UNC5D: variants seen among roughly 807,000 people sequenced by gnomAD.
The protein encoded by UNC5D is unc-5 netrin receptor D, also known as netrin receptor UNC5D.
UNC5D carries 39 observed loss-of-function variants against 105.4 expected under a neutral mutation model. The observed-to-expected ratio is 0.37, with a 90% CI of 0.29 to 0.48. The LOEUF is 0.48. UNC5D is among the 20% of genes least tolerant of loss of function. The pLI is 0.98. For synonymous variants in UNC5D, 452 were observed against 450.4 expected, an observed-to-expected ratio of 1.00 and a Z score of -0.04; for missense variants, 991 against 1,202.4, an observed-to-expected ratio of 0.82 and a Z score of 2.60.
intron 11 of UNC5D, among the ~76,000 whole-genome samples, chr8:35,746,790 C>T (rs1468172399): frequency 1.3e-5 from 2 of 152,174 alleles, no homozygotes; most frequent in East Asian, 1.9e-4. Context: ...AGCTTGTCAT[C>T]GGTCACTCAT....
intron 1 of UNC5D, among the ~76,000 whole-genome samples, chr8:35,337,646 T>C (rs990516424): frequency 6.6e-6 from 1 of 152,176 alleles, no homozygotes; most frequent in South Asian, 2.1e-4. Context: ...TTTCAGTAAG[T>C]AGCTGGAATG....
At chr8:35,526,386 C>G (rs903079117) in intron 1 of UNC5D, among the ~76,000 whole-genome samples, 1 of 152,160 alleles carries the variant, frequency 6.6e-6, no homozygotes, top group Admixed American at 6.5e-5. Flanking sequence ...CTCGCCTGTT[C>G]TCCACACAGT....
Position 35,384,607 on chromosome 8 carries a change from T to A in UNC5D, c.103+148720T>A, listed in dbSNP as rs574755174. Among the ~76,000 whole-genome samples the A allele has an allele frequency of 1.9e-3, 287 of 152,292 alleles. 1 individual carries two copies. Among genetic ancestry groups the A allele is most frequent in the African/African-American group, 6.6e-3 (274 of 41,548 alleles). On this transcript the variant is annotated intron_variant, in intron 1 of 16. Coordinates refer to ENST00000404895, the MANE Select transcript of UNC5D (RefSeq NM_080872.4). ...GAAATGTAGAACCCTTGATCAAAGT[T>A]ACACATGGTGGCAATTGCAGAAACC...
chr8:35,445,910 A>T (rs1001750220), intron 1 of UNC5D, among the ~76,000 whole-genome samples: 1 of 152,126 alleles, frequency 6.6e-6, no homozygotes, highest in Non-Finnish European at 1.5e-5. Flanking sequence ...AAAACTGAAA[A>T]TTGAACTGGT....
intron 1 of UNC5D, among the ~76,000 whole-genome samples, chr8:35,267,870 C>A (rs980975823): frequency 6.6e-6 from 1 of 151,946 alleles, no homozygotes; most frequent in Non-Finnish European, 1.5e-5. Context: ...GTTTGCTGAC[C>A]TTTTCTGTGG....
At chr8:35,671,566 G>A (rs541221675) in intron 4 of UNC5D, among the ~76,000 whole-genome samples, 57 of 152,330 alleles carry the variant, frequency 3.7e-4, no homozygotes, top group African/African-American at 1.1e-3. Context: ...CACAAGAGGC[G>A]ATGTGAATTC....
At chr8:35,632,836 G>T (rs1822125636) in intron 4 of UNC5D, among the ~76,000 whole-genome samples, 2 of 152,168 alleles carry the variant, frequency 1.3e-5, no homozygotes, top group Admixed American at 1.3e-4. Flanking sequence ...ACCTGTTCCA[G>T]TCAGCCATCT....
chr8:35,547,888 C>T (rs1815817877), intron 1 of UNC5D, among the ~76,000 whole-genome samples: 1 of 152,016 alleles, frequency 6.6e-6, no homozygotes, highest in Admixed American at 6.6e-5. Context: ...AGGTGAGGTC[C>T]CACAATAGGC....
intron 1 of UNC5D, among the ~76,000 whole-genome samples, chr8:35,296,011 T>A (rs1463989486): frequency 6.6e-6 from 1 of 152,166 alleles, no homozygotes; most frequent in African/African-American, 2.4e-5. Context: ...ATTTCTTGCT[T>A]TTTTGTGGGT....
intron 1 of UNC5D, among the ~76,000 whole-genome samples, chr8:35,426,362 A>G (rs1806248518): frequency 6.6e-6 from 1 of 152,192 alleles, no homozygotes; most frequent in Non-Finnish European, 1.5e-5. Flanking sequence ...ACAAAATTAG[A>G]GAATTAGGGA....
chr8:35,371,424 G>A (rs1802421919), intron 1 of UNC5D, among the ~76,000 whole-genome samples: 1 of 152,066 alleles, frequency 6.6e-6, no homozygotes. Flanking sequence ...CTGTATTTTG[G>A]TTTGTGTTGG....
At chr8:35,298,744 T>C (rs1807696517) in intron 1 of UNC5D, among the ~76,000 whole-genome samples, 1 of 152,098 alleles carries the variant, frequency 6.6e-6, no homozygotes, top group Non-Finnish European at 1.5e-5. Context: ...AAATTCCACA[T>C]AATGTGAAGA....
intron 1 of UNC5D, among the ~76,000 whole-genome samples, chr8:35,414,153 T>C (rs1805385594): frequency 6.6e-6 from 1 of 152,122 alleles, no homozygotes; most frequent in African/African-American, 2.4e-5. Context: ...TGGCTGTATA[T>C]ACTGGAGCCA....
intron 8 of UNC5D, among the ~76,000 whole-genome samples, chr8:35,714,386 G>A (rs1252658541): frequency 6.6e-6 from 1 of 152,130 alleles, no homozygotes; most frequent in African/African-American, 2.4e-5. Flanking sequence ...AAGGAAATAT[G>A]GCATCAGATC....
intron 1 of UNC5D, among the ~76,000 whole-genome samples, chr8:35,436,430 T>C (rs566973233): frequency 9.4e-4 from 143 of 152,184 alleles, no homozygotes; most frequent in Non-Finnish European, 1.6e-3. Flanking sequence ...GAAAGCTATA[T>C]TTTGGGGCTT....
rs1403312750 is a variant in UNC5D, at chr8:35,380,097, G to GA, written c.103+144210_103+144211insA. On this transcript the variant is annotated intron_variant, in intron 1 of 16. Transcript: ENST00000404895. The stretch of plus-strand genomic sequence containing the variant: ...ACCTATAATTGGGGGTGGGGGGGGG[G>GA]TCGGGGAGAGAGAGAGAGAGAGAGA... Among the ~76,000 whole-genome samples, 27 of 77,688 alleles carry GA rather than the reference G, an allele frequency of 3.5e-4. 1 individual carries two copies. Among genetic ancestry groups the GA allele is most frequent in the African/African-American group, 1.4e-3 (27 of 19,786 alleles). The allele number at this position is 77,688 out of a possible 152,430, so 51.0% of individuals were successfully genotyped here.
chr8:35,372,624 G>A (rs760343228), intron 1 of UNC5D, among the ~76,000 whole-genome samples: 3 of 149,466 alleles, frequency 2.0e-5, no homozygotes, highest in Non-Finnish European at 4.4e-5. Flanking sequence ...CTTTTCAAGA[G>A]ACAGGGTCTT....
intron 1 of UNC5D, among the ~76,000 whole-genome samples, chr8:35,464,606 C>T (rs911263416): frequency 1.3e-5 from 2 of 152,018 alleles, no homozygotes; most frequent in Non-Finnish European, 2.9e-5. Context: ...AATCTTGATT[C>T]TCTCTTAGCC....
In UNC5D at chr8:35,683,586, C is replaced by G. The variant is rs1452726121; in HGVS notation, c.610C>G (p.Gln204Glu). 4 of 1,577,722 alleles carry G rather than the reference C, an allele frequency of 2.5e-6. No homozygotes were observed. The Admixed American group carries it at 5.9e-5, about 23-fold the overall frequency. The stretch of plus-strand genomic sequence containing the variant: ...AAATGAAGAGCCCATTGACTCTGAA[C>G]AAGACGAGAACATTGACACCAGGGC... ...LKNEEPIDSE[Q>E]DENIDTRADH... Residue 204 changes from glutamine to glutamate, a missense_variant, in exon 5 of 17, where the codon CAA becomes GAA. By Grantham distance (29) the Gln-to-Glu change is conservative (BLOSUM62 2). Transcript: ENST00000404895.
Sources: gnomAD v4.1 joint callset for allele counts (sites outside exome capture counted in the v4.1 genomes callset) on GRCh38, gnomAD v4.1.1 for gene constraint, MANE v1.5 for transcripts, NCBI Gene and HGNC (gene_info 2026-07-23, HGNC 2026-07-21) for gene names.